POLR3K: variants seen among roughly 807,000 people sequenced by gnomAD.
POLR3K encodes DNA-directed RNA polymerase III subunit RPC10.
Under a neutral mutation model 13.5 loss-of-function variants are expected in POLR3K, and 11 were observed. That is an observed-to-expected ratio of 0.81 (90% CI 0.51 to 1.35). POLR3K has a LOEUF of 1.35. POLR3K is among the 40% of genes most tolerant of loss of function. POLR3K has a pLI of 0.00. For missense variants in POLR3K, 144 were observed against 145.3 expected (o/e 0.99, Z 0.05); for synonymous variants, 56 against 51.5 (o/e 1.09, Z -0.38).
rs1897365226 is a variant in POLR3K at position 53,574 on chromosome 16, A to G, written c.13T>C (p.Cys5Arg). 1 of 1,612,484 alleles carries G rather than the reference A, an allele frequency of 6.2e-7. No individual in the cohort carries two copies. The highest frequency in any genetic ancestry group is 1.3e-5 in the African/African-American group (1 of 74,876). ...ATCAGCCCGTTCCCGCAGCCGGGGC[A>G]GAACAGCAGCATGGTCTCGAACTCC... is the stretch of plus-strand genomic sequence containing the variant. Reference protein sequence around the residue: MLLFCPGCGNGLIVE... With the variant: MLLFRPGCGNGLIVE... Residue 5 changes from cysteine to arginine, a missense_variant, in exon 1 of 3, where the codon TGC (cysteine) becomes CGC (arginine). Coordinates refer to ENST00000293860, the MANE Select transcript of POLR3K (RefSeq NM_016310.5).
chr16:47,590 A>G, intron 2 of POLR3K, 33 bp from the exon 3 acceptor site: 1 of 1,602,602 alleles, frequency 6.2e-7, no homozygotes, highest in Non-Finnish European at 8.5e-7. Context: ...GACCACATTT[A>G]AAAAAAGATG....
At position 47,367 on chromosome 16, in the gene POLR3K, A is replaced by G; in HGVS notation, c.*63T>C. 1 of 1,569,622 alleles carries G rather than the reference A, an allele frequency of 6.4e-7. No homozygotes were observed. On this transcript the variant is annotated 3_prime_UTR_variant, in exon 3 of 3. Transcript: ENST00000293860. ...CTCAGGACACACAACTCATACTGCC[A>G]GCTAAGCATCTACCCCGAGGGACAA...
chr16:52,858 C>G (rs1897354047), intron 1 of POLR3K, among the ~76,000 whole-genome samples: 1 of 151,494 alleles, frequency 6.6e-6, no homozygotes, highest in African/African-American at 2.4e-5. Flanking sequence ...GTAATAAGCC[C>G]TATGGAAACA....
intron 1 of POLR3K, chr16:51,898 T>G (rs1596458139): frequency 5.9e-6 from 2 of 340,058 alleles, no homozygotes; most frequent in East Asian, 1.5e-4. Flanking sequence ...CGGGCGCCTG[T>G]AGTCCCAGCT....
intron 1 of POLR3K, 50 bp downstream of exon 1, chr16:53,426 G>A (rs1897361916): frequency 1.3e-6 from 2 of 1,539,582 alleles, no homozygotes; most frequent in East Asian, 2.4e-5. Context: ...CGGAGGACGC[G>A]GAAGGCCTGC....
At chr16:52,097 G>A (rs973264406) in intron 1 of POLR3K, 1 of 158,566 alleles carries the variant, frequency 6.3e-6, no homozygotes, top group Non-Finnish European at 1.4e-5. Flanking sequence ...ACAAACTGGA[G>A]TAGCATGCAA....
rs1010688141 is a variant in POLR3K, at chr16:46,780, T to G, written c.*650A>C. 1 of 151,900 alleles carries G rather than the reference T, an allele frequency of 6.6e-6. No individual in the cohort carries two copies. The highest frequency in any genetic ancestry group is 6.6e-5 in the Admixed American group (1 of 15,242). 9.4% of individuals were successfully genotyped at this position (151,900 alleles called of 1,614,324 possible). The stretch of plus-strand genomic sequence containing the variant: ...ATAAATAAATAGTATCTTATACATT[T>G]AAAGCAACCCGAGGAAGCAAATCAG... On this transcript the variant is annotated 3_prime_UTR_variant, in exon 3 of 3. Coordinates refer to ENST00000293860, the MANE Select transcript of POLR3K (RefSeq NM_016310.5).
intron 1 of POLR3K, 187 bp downstream of exon 1, chr16:53,289 T>C: frequency 8.5e-7 from 1 of 1,176,312 alleles, no homozygotes; most frequent in Non-Finnish European, 1.1e-6. Context: ...CCCAAGGCGG[T>C]GGGAAACGGT....
At chr16:49,029 G>A (rs926085299) in intron 2 of POLR3K, among the ~76,000 whole-genome samples, 20 of 152,120 alleles carry the variant, frequency 1.3e-4, no homozygotes, top group African/African-American at 4.3e-4. Flanking sequence ...GCAGGTGCCT[G>A]TAATCCCAGC....
In POLR3K at chr16:53,465, T is replaced by G; in HGVS notation, c.111+11A>C. 3 of 1,603,730 alleles carry G rather than the reference T, an allele frequency of 1.9e-6. No homozygotes were observed. The highest frequency in any genetic ancestry group is 2.6e-6 in the Non-Finnish European group (3 of 1,174,644). On this transcript the variant is annotated intron_variant, in intron 1 of 2. Coordinates refer to ENST00000293860, the MANE Select transcript of POLR3K (RefSeq NM_016310.5). ...AGTCGCCCGCGCCCAGCGCCGGCCTTCGGGTCCCACCTTGCGGGTGATGTT... is the reference window on the plus strand; with the variant it reads ...AGTCGCCCGCGCCCAGCGCCGGCCTGCGGGTCCCACCTTGCGGGTGATGTT...
At chr16:52,472 A>C in intron 1 of POLR3K, among the ~76,000 whole-genome samples, 1 of 38,622 alleles carries the variant, frequency 2.6e-5, no homozygotes, top group Non-Finnish European at 5.9e-5. Flanking sequence ...AAAAAAAAAA[A>C]AAAAAAAAAA....
chr16:48,575 G>T (rs1014713499), intron 2 of POLR3K, among the ~76,000 whole-genome samples: 7 of 152,182 alleles, frequency 4.6e-5, no homozygotes, highest in African/African-American at 1.7e-4. Flanking sequence ...ACTTTGGGAG[G>T]CCAAGGCAGG....
rs760036159 is a variant in POLR3K, at chr16:47,436, C to G, written c.321G>C (p.Arg107Ser). The G allele has an allele frequency of 8.1e-6, 13 of 1,612,684 alleles. No individual in the cohort carries two copies. Among genetic ancestry groups the G allele is most frequent in the Non-Finnish European group, 1.0e-5 (12 of 1,179,092 alleles). ...CAGCTGGGCCATCCTGGCCCTAATC[C>G]CTCCAGCGGTGTCCACACTGAGCAT... ...CCNAQCGHRWRD is the reference protein window; with the variant it reads ...CCNAQCGHRWSD Residue 107 changes from arginine (R) to serine (S), a missense_variant, in exon 3 of 3, where the codon AGG (arginine) becomes AGC (serine). Arg to Ser is a moderately radical substitution (Grantham distance 110). Coordinates refer to ENST00000293860, the MANE Select transcript of POLR3K (RefSeq NM_016310.5).
intron 2 of POLR3K, among the ~76,000 whole-genome samples, chr16:48,942 G>C (rs1001969779): frequency 6.8e-6 from 1 of 147,770 alleles, no homozygotes; most frequent in Non-Finnish European, 1.5e-5. Flanking sequence ...TCACGAGGTC[G>C]GGAGGTCAAG....
chr16:48,873 G>A (rs931279431), intron 2 of POLR3K, among the ~76,000 whole-genome samples: 1 of 151,590 alleles, frequency 6.6e-6, no homozygotes, highest in Non-Finnish European at 1.5e-5. Flanking sequence ...AAGAGAAGAG[G>A]CCGGGTATGG....
intron 1 of POLR3K, among the ~76,000 whole-genome samples, chr16:52,446 CAAAAAA>C (rs767411954): frequency 4.0e-5 from 3 of 74,194 alleles, no homozygotes; most frequent in Admixed American, 1.6e-4. Context: ...GACTCTGTCT[CAAAAAA>C]AAAAAAAAAA....
chr16:49,346 G>A (rs1897310794), intron 2 of POLR3K, among the ~76,000 whole-genome samples: 1 of 152,012 alleles, frequency 6.6e-6, no homozygotes, highest in African/African-American at 2.4e-5. Flanking sequence ...GCCGAGGAAG[G>A]AGAATCACTT....
intron 2 of POLR3K, among the ~76,000 whole-genome samples, chr16:50,949 C>T (rs547798973): frequency 3.3e-5 from 5 of 152,136 alleles, no homozygotes; most frequent in South Asian, 2.1e-4. Context: ...GCAGGGGAAA[C>T]GCAAACGCTT....
intron 2 of POLR3K, among the ~76,000 whole-genome samples, chr16:51,124 C>T (rs564779278): frequency 6.6e-4 from 101 of 152,282 alleles, no homozygotes; most frequent in African/African-American, 2.4e-3. Context: ...ACAGCCAAAC[C>T]ATATCAAACA....
Sources: gnomAD v4.1 joint callset for allele counts (sites outside exome capture counted in the v4.1 genomes callset) on GRCh38, gnomAD v4.1.1 for gene constraint, MANE v1.5 for transcripts, NCBI Gene and HGNC (gene_info 2026-07-23, HGNC 2026-07-21) for gene names.